Variants in MAML3 observed in about 807,000 individuals in gnomAD.
MAML3 encodes mastermind like transcriptional coactivator 3.
Under a neutral mutation model 101.9 loss-of-function variants are expected in MAML3, and 27 were observed. That is an observed-to-expected ratio of 0.27 (90% CI 0.20 to 0.37). The LOEUF (loss-of-function observed/expected upper bound fraction) is 0.37. MAML3 is among the 10% of genes least tolerant of loss of function. MAML3 has a pLI of 1.00. For missense variants in MAML3, 1,316 were observed against 1,444.9 expected (o/e 0.91, Z 1.45); for synonymous variants, 501 against 555.9 (o/e 0.90, Z 1.39).
At chr4:140,001,002 T>C (rs945117851) in intron 1 of MAML3, among the ~76,000 whole-genome samples, 1 of 151,964 alleles carries the variant, frequency 6.6e-6, no homozygotes, top group African/African-American at 2.4e-5. Flanking sequence ...CACTCCAGCC[T>C]GGGCAACAAG....
At chr4:140,073,930 A>G (rs994911743) in intron 1 of MAML3, among the ~76,000 whole-genome samples, 4 of 151,710 alleles carry the variant, frequency 2.6e-5, no homozygotes, top group African/African-American at 9.7e-5. Flanking sequence ...TCAAGAGATC[A>G]AGACCATCCT....
intron 2 of MAML3, among the ~76,000 whole-genome samples, chr4:139,749,639 G>T (rs939213357): frequency 6.6e-6 from 1 of 152,226 alleles, no homozygotes; most frequent in Non-Finnish European, 1.5e-5. Flanking sequence ...CCACATTTGT[G>T]TTGCACAATT....
intron 1 of MAML3, among the ~76,000 whole-genome samples, chr4:139,971,345 T>C (rs1006651708): frequency 6.6e-6 from 1 of 152,208 alleles, no homozygotes; most frequent in Non-Finnish European, 1.5e-5. Flanking sequence ...TATCTCCAGC[T>C]CCACAGATTC....
intron 2 of MAML3, among the ~76,000 whole-genome samples, chr4:139,849,764 C>G (rs952844773): frequency 6.6e-6 from 1 of 152,204 alleles, no homozygotes; most frequent in African/African-American, 2.4e-5. Context: ...TTGCTCTATC[C>G]TATCAAAATA....
At chr4:140,044,111 T>C (rs1727138252) in intron 1 of MAML3, among the ~76,000 whole-genome samples, 1 of 140,248 alleles carries the variant, frequency 7.1e-6, no homozygotes, top group Non-Finnish European at 1.6e-5. Context: ...CCCAAAACAG[T>C]TCTATAAGAA....
intron 1 of MAML3, among the ~76,000 whole-genome samples, chr4:139,951,319 A>G (rs888345933): frequency 2.6e-5 from 4 of 152,242 alleles, no homozygotes; most frequent in African/African-American, 9.6e-5. Context: ...ATGTGCTGAC[A>G]TGGAGAACAG....
rs748472684 is a variant in MAML3 at position 140,077,173 on chromosome 4, C to A, written c.468+75687G>T. Among the ~76,000 whole-genome samples the A allele has an allele frequency of 5.1e-4, 77 of 152,184 alleles. 1 individual carries two copies. Among genetic ancestry groups the A allele is most frequent in the Non-Finnish European group, 9.6e-4 (65 of 68,032 alleles). On this transcript the variant is annotated intron_variant, in intron 1 of 4. Coordinates refer to ENST00000509479, the MANE Select transcript of MAML3 (RefSeq NM_018717.5). ...CTGGGATTACAAGCATGAGCCACCG[C>A]ACCTAGCAGGAATCCTATCTCCAAC...
intron 1 of MAML3, among the ~76,000 whole-genome samples, chr4:140,104,406 A>ATT (rs1560894795): frequency 1.2e-5 from 1 of 80,580 alleles, no homozygotes; most frequent in Non-Finnish European, 2.5e-5. Context: ...TATATAATAT[A>ATT]TAATATAATA....
intron 1 of MAML3, among the ~76,000 whole-genome samples, chr4:139,990,243 A>G (rs1261052292): frequency 6.6e-6 from 1 of 152,244 alleles, no homozygotes; most frequent in Non-Finnish European, 1.5e-5. Context: ...AGGCTGGTTC[A>G]ATATACGCAA....
chr4:139,927,068 T>C (rs190072170), intron 1 of MAML3, among the ~76,000 whole-genome samples: 277 of 90,158 alleles, frequency 3.1e-3, no homozygotes, highest in Non-Finnish European at 3.6e-3. Context: ...TTTTTTTCTT[T>C]TTTCTTTTTT....
chr4:140,109,488 C>T (rs976522064), intron 1 of MAML3, among the ~76,000 whole-genome samples: 1 of 152,206 alleles, frequency 6.6e-6, no homozygotes, highest in African/African-American at 2.4e-5. Flanking sequence ...GAAGCTACTG[C>T]ATTAACACAG....
At chr4:140,152,691 A>G (rs1207145704) in intron 1 of MAML3, among the ~76,000 whole-genome samples, 169 bp downstream of exon 1, 1 of 151,682 alleles carries the variant, frequency 6.6e-6, no homozygotes, top group South Asian at 2.1e-4. Flanking sequence ...GGTAGCGACG[A>G]CGGCAGCTTT....
intron 2 of MAML3, among the ~76,000 whole-genome samples, chr4:139,791,768 T>C (rs112440435): frequency 8.5e-5 from 13 of 152,316 alleles, no homozygotes; most frequent in African/African-American, 2.9e-4. Context: ...TCCAGAACCC[T>C]GAGCATATTT....
intron 2 of MAML3, among the ~76,000 whole-genome samples, chr4:139,817,325 G>A (rs577637162): frequency 1.6e-4 from 25 of 152,226 alleles, no homozygotes; most frequent in African/African-American, 5.3e-4. Context: ...TCTCCCCTTC[G>A]AGAATAATTT....
At chr4:139,875,035 C>T (rs900648304) in intron 2 of MAML3, among the ~76,000 whole-genome samples, 1 of 152,098 alleles carries the variant, frequency 6.6e-6, no homozygotes. Flanking sequence ...AATCTCCTGA[C>T]CTCGTGATCT....
intron 2 of MAML3, among the ~76,000 whole-genome samples, chr4:139,871,825 A>G (rs1732012115): frequency 6.6e-6 from 1 of 152,256 alleles, no homozygotes; most frequent in Admixed American, 6.5e-5. Context: ...CTTTTTAAAA[A>G]GAAGAAAACC....
At chr4:139,978,611 C>CAAAAAAAAAAAAAAA (rs71584346) in intron 1 of MAML3, among the ~76,000 whole-genome samples, 5 of 122,260 alleles carry the variant, frequency 4.1e-5, no homozygotes, top group African/African-American at 1.1e-4. Flanking sequence ...TCAACCACAT[C>CAAAAAAAAAAAAAAA]AAAAAAAAAG....
chr4:140,082,324 G>T (rs1028482497), intron 1 of MAML3, among the ~76,000 whole-genome samples: 1 of 152,064 alleles, frequency 6.6e-6, no homozygotes, highest in Non-Finnish European at 1.5e-5. Context: ...AATTCTTCTC[G>T]TTTTCCTTTC....
intron 1 of MAML3, among the ~76,000 whole-genome samples, chr4:139,974,705 T>A (rs1203839175): frequency 6.6e-6 from 1 of 152,012 alleles, no homozygotes; most frequent in Non-Finnish European, 1.5e-5. Context: ...CAAGATAATA[T>A]ATGGTGAAGT....
Sources: allele counts gnomAD v4.1 joint callset (sites outside exome capture counted in the v4.1 genomes callset), GRCh38; gene constraint gnomAD v4.1.1; transcripts MANE v1.5; gene names NCBI Gene and HGNC (gene_info 2026-07-23, HGNC 2026-07-21).